Variants in COMMD10 observed in about 807,000 individuals in gnomAD.
COMMD10 encodes COMM domain containing 10.
Under a neutral mutation model 28.9 loss-of-function variants are expected in COMMD10, and 33 were observed. The ratio of observed to expected loss-of-function variants is 1.14; its 90% CI spans 0.87 to 1.53. COMMD10 has a LOEUF of 1.53. Among genes scored for constraint, COMMD10 ranks in the 40% most tolerant of loss-of-function variants. The pLI is 0.00. For synonymous variants in COMMD10, 110 were observed against 81.7 expected, an observed-to-expected ratio of 1.35 and a Z score of -1.87; for missense variants, 310 against 233.4, an observed-to-expected ratio of 1.33 and a Z score of -2.14.
chr5:116,151,868 C>G (rs1412790265), intron 5 of COMMD10, among the ~76,000 whole-genome samples: 1 of 152,106 alleles, frequency 6.6e-6, no homozygotes, highest in African/African-American at 2.4e-5. Context: ...CAGTTCTGCT[C>G]TGATTTTAGT....
intron 5 of COMMD10, among the ~76,000 whole-genome samples, chr5:116,165,876 T>C (rs1237071187): frequency 1.3e-5 from 2 of 152,114 alleles, no homozygotes; most frequent in African/African-American, 4.8e-5. Flanking sequence ...GGCTATAACA[T>C]GAATTTTGGG....
intron 5 of COMMD10, among the ~76,000 whole-genome samples, chr5:116,134,602 A>G (rs1204663132): frequency 2.0e-5 from 3 of 152,088 alleles, no homozygotes; most frequent in African/African-American, 7.2e-5. Flanking sequence ...ATGTGTTTAA[A>G]TCCCAGCTTT....
intron 5 of COMMD10, among the ~76,000 whole-genome samples, chr5:116,215,638 GAT>G (rs1749073603): frequency 6.7e-6 from 1 of 149,718 alleles, no homozygotes; most frequent in Non-Finnish European, 1.5e-5. Flanking sequence ...AGTGAGCTGA[GAT>G]CAGGCCACTG....
intron 5 of COMMD10, among the ~76,000 whole-genome samples, chr5:116,221,025 C>T (rs1483617540): frequency 6.6e-6 from 1 of 151,858 alleles, no homozygotes; most frequent in Non-Finnish European, 1.5e-5. Context: ...TCCTTAACTG[C>T]TCCATAGAAA....
chr5:116,232,255 C>T (rs1210778979), intron 5 of COMMD10, among the ~76,000 whole-genome samples: 1 of 151,762 alleles, frequency 6.6e-6, no homozygotes, highest in African/African-American at 2.4e-5. Context: ...TTATGATTTT[C>T]TAATTAGAAA....
intron 5 of COMMD10, among the ~76,000 whole-genome samples, chr5:116,236,027 T>C (rs1049363159): frequency 6.6e-6 from 1 of 152,148 alleles, no homozygotes; most frequent in Non-Finnish European, 1.5e-5. Flanking sequence ...ATTTGCGGCA[T>C]TATGTTACTT....
At chr5:116,135,028 C>T (rs757638203) in intron 5 of COMMD10, among the ~76,000 whole-genome samples, 10 of 151,968 alleles carry the variant, frequency 6.6e-5, no homozygotes, top group South Asian at 2.1e-4. Context: ...TTTGTTACTG[C>T]GGCATATAGG....
chr5:116,261,455 A>G (rs991106984), intron 5 of COMMD10, among the ~76,000 whole-genome samples: 3 of 151,606 alleles, frequency 2.0e-5, no homozygotes, highest in African/African-American at 7.3e-5. Flanking sequence ...AGTAATGTAG[A>G]TGTGTATTCT....
intron 5 of COMMD10, among the ~76,000 whole-genome samples, chr5:116,211,779 T>G (rs996725643): frequency 6.6e-6 from 1 of 152,046 alleles, no homozygotes; most frequent in Admixed American, 6.6e-5. Flanking sequence ...TACACACACA[T>G]GCACACGCAC....
chr5:116,212,182 C>T (rs532226351), intron 5 of COMMD10, among the ~76,000 whole-genome samples: 28 of 152,116 alleles, frequency 1.8e-4, no homozygotes, highest in Admixed American at 4.6e-4. Context: ...TGTAACTTAG[C>T]GTAATATAAA....
intron 5 of COMMD10, among the ~76,000 whole-genome samples, chr5:116,160,142 C>T (rs1009739858): frequency 2.6e-5 from 4 of 151,994 alleles, no homozygotes; most frequent in Non-Finnish European, 5.9e-5. Context: ...TTTACTAGAC[C>T]CTTGAACCTA....
At chr5:116,287,895 A>G (rs1055680453) in intron 5 of COMMD10, among the ~76,000 whole-genome samples, 23 of 151,574 alleles carry the variant, frequency 1.5e-4, no homozygotes, top group African/African-American at 5.4e-4. Flanking sequence ...TTACATTTCT[A>G]TATATTACAT....
At chr5:116,217,955 C>G in intron 5 of COMMD10, 1 of 777,590 alleles carries the variant, frequency 1.3e-6, no homozygotes, top group African/African-American at 1.7e-5. Flanking sequence ...TTTTATAAAA[C>G]TTGGTAAAAA....
intron 4 of COMMD10, among the ~76,000 whole-genome samples, chr5:116,124,030 A>G (rs764239796): frequency 1.1e-4 from 16 of 151,732 alleles, no homozygotes; most frequent in Non-Finnish European, 2.4e-4. Flanking sequence ...TTCTGGATTC[A>G]TTGATGTTTT....
intron 5 of COMMD10, among the ~76,000 whole-genome samples, chr5:116,259,969 C>T (rs2112684635): frequency 6.6e-6 from 1 of 151,886 alleles, no homozygotes; most frequent in African/African-American, 2.4e-5. Context: ...AAACTAATCA[C>T]ATCTCCTCTG....
Position 116,186,871 on chromosome 5 carries a change from A to G in COMMD10, c.510+52693A>G, listed in dbSNP as rs373729731. On this transcript the variant is annotated intron_variant, in intron 5 of 6. Transcript: ENST00000274458. ...TATTAGTGATTCCACTAGAGTTATT[A>G]AGCACTGTAGCCCGTAATGCATCAT... Among the ~76,000 whole-genome samples, 17 of 152,316 alleles carry G rather than the reference A, an allele frequency of 1.1e-4. No homozygotes were observed. In the East Asian group the frequency reaches 1.4e-3, roughly 12 times the overall value.
chr5:116,268,882 G>A (rs1436171060), intron 5 of COMMD10, among the ~76,000 whole-genome samples: 1 of 151,488 alleles, frequency 6.6e-6, no homozygotes, highest in African/African-American at 2.4e-5. Context: ...TCACTCATAG[G>A]TGGGAATTGA....
At chr5:116,089,631 T>A (rs1408317982) in intron 2 of COMMD10, among the ~76,000 whole-genome samples, 1 of 152,240 alleles carries the variant, frequency 6.6e-6, no homozygotes, top group Non-Finnish European at 1.5e-5. Flanking sequence ...TAGAGTTAAC[T>A]GAGTGGCTAA....
chr5:116,290,894 A>G (rs1433395570), intron 5 of COMMD10, among the ~76,000 whole-genome samples: 2 of 152,188 alleles, frequency 1.3e-5, no homozygotes, highest in Non-Finnish European at 2.9e-5. Flanking sequence ...TCATACATAC[A>G]TATACAATAT....
Sources: gnomAD v4.1 joint callset for allele counts (sites outside exome capture counted in the v4.1 genomes callset) on GRCh38, gnomAD v4.1.1 for gene constraint, MANE v1.5 for transcripts, NCBI Gene and HGNC (gene_info 2026-07-23, HGNC 2026-07-21) for gene names.